ZNF704: variants seen among roughly 807,000 people sequenced by gnomAD.
The protein encoded by ZNF704 is glucocorticoid induced gene 1.
A neutral mutation model predicts 44.7 loss-of-function variants in ZNF704; 10 were observed. The ratio of observed to expected loss-of-function variants is 0.22; its 90% confidence interval spans 0.14 to 0.38. The LOEUF is 0.38. Among genes scored for constraint, ZNF704 ranks in the 10% least tolerant of loss-of-function variants. ZNF704 has a pLI of 1.00. For missense variants in ZNF704, 390 were observed against 545.5 expected (o/e 0.71, Z 2.84); for synonymous variants, 211 against 207.6 (o/e 1.02, Z -0.14).
intron 2 of ZNF704, among the ~76,000 whole-genome samples, chr8:80,732,817 G>A (rs550643459): frequency 6.2e-4 from 94 of 152,112 alleles, no homozygotes; most frequent in Non-Finnish European, 1.2e-3. Flanking sequence ...TTAGCCGGGC[G>A]TGGTGGCATG....
intron 1 of ZNF704, among the ~76,000 whole-genome samples, chr8:80,848,737 C>T (rs761272222): frequency 1.3e-5 from 2 of 151,418 alleles, no homozygotes; most frequent in African/African-American, 2.4e-5. Context: ...CTCACCACTG[C>T]ACTCCAGCCT....
rs1450959049 is a variant in ZNF704 at position 80,640,010 on chromosome 8, C to CA, written c.*1355dup. On this transcript the variant is annotated 3_prime_UTR_variant, in exon 9 of 9. Transcript: ENST00000327835. ...TCTCCCCACACCACTATCCCCCAAACAAACAAGCAAGTAAGTTACGAAGCC... is the reference window on the plus strand; with the variant it reads ...TCTCCCCACACCACTATCCCCCAAACAAAACAAGCAAGTAAGTTACGAAGCC... The CA allele has an allele frequency of 5.2e-5, 8 of 152,702 alleles. No individual in the cohort carries two copies. The highest frequency in any genetic ancestry group is 1.9e-4 in the African/African-American group (8 of 41,552). 9.5% of individuals were successfully genotyped at this position (152,702 alleles called of 1,614,324 possible).
chr8:80,732,206 T>C (rs1006843657), intron 2 of ZNF704, among the ~76,000 whole-genome samples: 2 of 152,204 alleles, frequency 1.3e-5, no homozygotes, highest in Non-Finnish European at 2.9e-5. Flanking sequence ...TCCAATTATA[T>C]ACTACACCCA....
intron 7 of ZNF704, among the ~76,000 whole-genome samples, chr8:80,652,322 C>T (rs186110053): frequency 0.1 from 15,643 of 151,788 alleles, 1,170 homozygotes; most frequent in African/African-American, 0.21. Context: ...AAGATCAGAG[C>T]AGAACTGAAA....
chr8:80,834,508 TTTTG>T (rs141017424), intron 1 of ZNF704, among the ~76,000 whole-genome samples: 1 of 151,720 alleles, frequency 6.6e-6, no homozygotes, highest in African/African-American at 2.4e-5. Flanking sequence ...GACAGCAAGT[TTTTG>T]TTTGTTTGTT....
chr8:80,716,741 G>A (rs915378626), intron 2 of ZNF704, among the ~76,000 whole-genome samples: 1 of 152,160 alleles, frequency 6.6e-6, no homozygotes, highest in Non-Finnish European at 1.5e-5. Context: ...CTATCTTTGG[G>A]ATTGCACGTC....
intron 2 of ZNF704, among the ~76,000 whole-genome samples, chr8:80,759,869 T>A (rs1388412420): frequency 2.0e-5 from 3 of 152,058 alleles, no homozygotes; most frequent in African/African-American, 4.8e-5. Context: ...AGTCCTCCCA[T>A]CTTAGCCTCC....
chr8:80,703,991 C>T (rs1052249992), intron 2 of ZNF704, among the ~76,000 whole-genome samples: 3 of 151,784 alleles, frequency 2.0e-5, no homozygotes, highest in Non-Finnish European at 2.9e-5. Context: ...TTAAATAAAT[C>T]GTTCATAGGA....
intron 2 of ZNF704, among the ~76,000 whole-genome samples, chr8:80,810,958 C>G (rs975297563): frequency 6.6e-6 from 1 of 152,174 alleles, no homozygotes; most frequent in East Asian, 1.9e-4. Context: ...TATGTTCCAC[C>G]CCTAGCAGTG....
intron 2 of ZNF704, among the ~76,000 whole-genome samples, chr8:80,817,854 C>A (rs1808201873): frequency 6.6e-6 from 1 of 152,164 alleles, no homozygotes; most frequent in African/African-American, 2.4e-5. Context: ...AATTTACCCC[C>A]AGTCCTAATG....
chr8:80,830,669 C>CGGAAGGAA (rs375077969), intron 1 of ZNF704, among the ~76,000 whole-genome samples: 2 of 145,246 alleles, frequency 1.4e-5, no homozygotes, highest in Non-Finnish European at 3.0e-5. Flanking sequence ...GAAGGATGGA[C>CGGAAGGAA]GGAAGGAAGG....
intron 1 of ZNF704, among the ~76,000 whole-genome samples, chr8:80,841,692 T>G (rs1206572390): frequency 6.6e-6 from 1 of 152,236 alleles, no homozygotes; most frequent in African/African-American, 2.4e-5. Flanking sequence ...CCCTCTGGCA[T>G]GAACTCAAGG....
In ZNF704 at chr8:80,678,949, G is replaced by A. The variant is rs114636120; in HGVS notation, c.558+8277C>T. Among the ~76,000 whole-genome samples the A allele has an allele frequency of 6.0e-3, 920 of 152,236 alleles. 9 individuals are homozygous for A. Among genetic ancestry groups the A allele is most frequent in the African/African-American group, 0.021 (891 of 41,540 alleles). On this transcript the variant is annotated intron_variant, in intron 4 of 8. Transcript: ENST00000327835. ...AGCAGGAAGGTATTGATTCCTCCTG[G>A]CTCTCTCCTTCTGCCTGGCCACAGG...
intron 2 of ZNF704, among the ~76,000 whole-genome samples, chr8:80,805,786 G>A (rs1156759004): frequency 6.6e-6 from 1 of 152,178 alleles, no homozygotes. Context: ...AGATTTACAT[G>A]AAAATATGCC....
At chr8:80,695,437 G>A (rs2131639540) in intron 2 of ZNF704, among the ~76,000 whole-genome samples, 1 of 152,342 alleles carries the variant, frequency 6.6e-6, no homozygotes, top group South Asian at 2.1e-4. Flanking sequence ...AACCAGGATA[G>A]GAGGCCCGTG....
Position 80,641,137 on chromosome 8 carries a change from T to G in ZNF704, c.*229A>C. 2.8e-6 allele frequency: 1 copy of G among 351,100 alleles called. No homozygotes were observed. Among genetic ancestry groups the G allele is most frequent in the East Asian group, 4.5e-5 (1 of 22,334 alleles). The allele number at this position is 351,100 out of a possible 1,614,324, so 21.7% of individuals were successfully genotyped here. A position where few individuals can be genotyped will look rare whatever the true frequency, so the allele number is the denominator to read the frequency against. ...TTTCTTTTGAAGGAAAAAAAACTAG[T>G]TATAGCTGCTCCAAGCTGGGTTCTC... On this transcript the variant is annotated 3_prime_UTR_variant, in exon 9 of 9. Transcript: ENST00000327835.
chr8:80,687,891 C>A (rs187951738), intron 3 of ZNF704, among the ~76,000 whole-genome samples: 1 of 152,142 alleles, frequency 6.6e-6, no homozygotes, highest in African/African-American at 2.4e-5. Context: ...CCAACCCCTC[C>A]GATTTCAACA....
chr8:80,722,729 TCTA>T (rs1326787226), intron 2 of ZNF704, among the ~76,000 whole-genome samples: 1 of 152,230 alleles, frequency 6.6e-6, no homozygotes, highest in Admixed American at 6.5e-5. Context: ...ATGTACACTC[TCTA>T]CTGTGTTCTC....
chr8:80,884,406 C>T, the ZNF704 span, among the ~76,000 whole-genome samples: 8 of 152,316 alleles, frequency 5.3e-5, no homozygotes, highest in South Asian at 1.2e-3. Flanking sequence ...ATCCTCATGC[C>T]CCCAGTGGCT....
Sources: allele counts gnomAD v4.1 joint callset (sites outside exome capture counted in the v4.1 genomes callset), GRCh38; gene constraint gnomAD v4.1.1; transcripts MANE v1.5; gene names NCBI Gene and HGNC (gene_info 2026-07-23, HGNC 2026-07-21).